Variants in AMMECR1L observed in about 807,000 individuals in gnomAD.
AMMECR1L encodes AMMECR1 like, also known as AMMECR1-like protein.
In AMMECR1L, 4 loss-of-function variants were observed where a neutral mutation model predicts 36.8. The observed-to-expected ratio is 0.11, with a 90% CI of 0.05 to 0.25. The LOEUF is 0.25. AMMECR1L is among the 10% of genes least tolerant of loss of function. The probability of loss-of-function intolerance (pLI) is 1.00; values close to 1 mark genes in which losing one functional copy is unlikely to be tolerated. For missense variants in AMMECR1L, 232 were observed against 392.1 expected, an observed-to-expected ratio of 0.59 and a Z score of 3.45; for synonymous variants, 147 against 148.0, an observed-to-expected ratio of 0.99 and a Z score of 0.05.
intron 1 of AMMECR1L, chr2:127,885,281 G>A (rs1161605488): frequency 1.0e-6 from 1 of 984,276 alleles, no homozygotes; most frequent in Non-Finnish European, 1.2e-6. Context: ...CGAGGGACAG[G>A]GTGAAAGGTG....
rs555348249 is a variant in AMMECR1L, at chr2:127,874,359, C to T, written c.-38-87G>A. ...ATCAAAGATAGAGAGTCTGCATTGA[C>T]CAGCTAAGAGCTGTCAAATTCTTTC... On this transcript the variant is annotated intron_variant, in intron 2 of 7. Transcript: ENST00000272647. This position sits in a 1 kb window ranked among gnomAD's most constrained non-coding sequence, Gnocchi z 5.2. 5.7e-5 allele frequency: 73 copies of T among 1,283,294 alleles called. No homozygotes were observed. In the South Asian group the frequency reaches 9.2e-4, roughly 16 times the overall value. 79.5% of individuals were successfully genotyped at this position (1,283,294 alleles called of 1,614,324 possible).
chr2:127,882,257 A>T (rs767124954), intron 2 of AMMECR1L, among the ~76,000 whole-genome samples: 3 of 148,304 alleles, frequency 2.0e-5, no homozygotes, highest in Non-Finnish European at 4.4e-5. Flanking sequence ...AAGGCCAAGA[A>T]AAAGGGGGTC....
At chr2:127,868,471 C>T (rs530614300) in intron 6 of AMMECR1L, among the ~76,000 whole-genome samples, 4 of 152,302 alleles carry the variant, frequency 2.6e-5, no homozygotes, top group South Asian at 4.1e-4. Flanking sequence ...ACCAGGCAAT[C>T]GTTTTCCATG....
In AMMECR1L at chr2:127,862,273, G is replaced by A. The variant is rs76989043; in HGVS notation, c.*2821C>T. On this transcript the variant is annotated 3_prime_UTR_variant, in exon 8 of 8. Transcript: ENST00000272647. ...ATTGGGCTGGTCCTTGAAAACAGTG[G>A]TTACCTACTGTCCAGCTCGAGCAGC... The A allele has an allele frequency of 0.019, 2,900 of 153,846 alleles. 37 individuals carry two copies. The highest frequency in any genetic ancestry group is 0.029 in the Non-Finnish European group (1,975 of 68,034). 9.5% of individuals were successfully genotyped at this position (153,846 alleles called of 1,614,324 possible).
intron 2 of AMMECR1L, among the ~76,000 whole-genome samples, chr2:127,875,770 T>C (rs1691204937): frequency 6.7e-6 from 1 of 148,318 alleles, no homozygotes; most frequent in Admixed American, 6.8e-5. Flanking sequence ...TCTTTCCCTC[T>C]CCTCCCCTCT....
Position 127,864,694 on chromosome 2 carries a change from AC to A in AMMECR1L, c.*399del, listed in dbSNP as rs1350198232. ...GTTGCCCAGACTGCCAGGGGAATAC[AC>A]CTACTTCATCTGGGGAGGCTGCAGG... is the stretch of plus-strand genomic sequence containing the variant. On this transcript the variant is annotated 3_prime_UTR_variant, in exon 8 of 8. Coordinates refer to ENST00000272647, the MANE Select transcript of AMMECR1L (RefSeq NM_001199140.2). The A allele has an allele frequency of 6.4e-6, 1 of 156,450 alleles. No individual in the cohort carries two copies. The highest frequency in any genetic ancestry group is 1.4e-5 in the Non-Finnish European group (1 of 70,922). 9.7% of individuals were successfully genotyped at this position (156,450 alleles called of 1,614,324 possible).
chr2:127,880,793 C>T (rs1033379106), intron 2 of AMMECR1L, among the ~76,000 whole-genome samples: 1 of 151,914 alleles, frequency 6.6e-6, no homozygotes, highest in East Asian at 1.9e-4. Context: ...CACACACACA[C>T]ACACACTCCT....
chr2:127,873,185 T>A lies in AMMECR1L; in HGVS notation c.407+643A>T. On this transcript the variant is annotated intron_variant, in intron 3 of 7. Transcript: ENST00000272647. The surrounding 1 kb of genome is among the most constrained non-coding windows in gnomAD (Gnocchi z 5.2). Reference sequence around the variant, plus strand: ...AAAGCCAGCTCAGAGCGGCTTCCAATTCTGAGGAAGAAGAAAATGCTAGCA... The same window carrying A: ...AAAGCCAGCTCAGAGCGGCTTCCAAATCTGAGGAAGAAGAAAATGCTAGCA... 1 of 985,446 alleles carries A rather than the reference T, an allele frequency of 1.0e-6. No individual in the cohort carries two copies. Among genetic ancestry groups the A allele is most frequent in the Non-Finnish European group, 1.2e-6 (1 of 829,934 alleles). 61.0% of individuals were successfully genotyped at this position (985,446 alleles called of 1,614,324 possible).
rs555411655 is a variant in AMMECR1L at position 127,873,497 on chromosome 2, A to G, written c.407+331T>C. 1.4e-4 allele frequency: 140 copies of G among 985,446 alleles called. No individual in the cohort carries two copies. The highest frequency in any genetic ancestry group is 1.2e-3 in the Admixed American group (20 of 16,292). The allele number at this position is 985,446 out of a possible 1,614,324, so 61.0% of individuals were successfully genotyped here. ...GACTTCAACACTATGGGTGTCCCCA[A>G]TGGTATGGCGTGACTTCCCCACTTG... On this transcript the variant is annotated intron_variant, in intron 3 of 7. Transcript: ENST00000272647. The surrounding 1 kb of genome is among the most constrained non-coding windows in gnomAD (Gnocchi z 5.2).
In AMMECR1L at chr2:127,871,498, T is replaced by C; in HGVS notation, c.408-139A>G. On this transcript the variant is annotated intron_variant, in intron 3 of 7. Transcript: ENST00000272647. The surrounding 1 kb of genome is among the most constrained non-coding windows in gnomAD (Gnocchi z 4.3). ...TGGACTTGCCAGCTACCCGAAGGACTCTCTGCCTTTCTGAAAACGGCACAG... is the reference window on the plus strand; with the variant it reads ...TGGACTTGCCAGCTACCCGAAGGACCCTCTGCCTTTCTGAAAACGGCACAG... 1.3e-6 allele frequency: 1 copy of C among 795,888 alleles called. No homozygotes were observed. The highest frequency in any genetic ancestry group is 2.0e-6 in the Non-Finnish European group (1 of 503,732). 49.3% of individuals were successfully genotyped at this position (795,888 alleles called of 1,614,324 possible).
Position 127,874,445 on chromosome 2 carries a change from G to C in AMMECR1L, c.-38-173C>G, listed in dbSNP as rs534834893. Reference sequence around the variant, plus strand: ...AAACCCCTAACCTTTTCCTAAAAGAGAATTTTTATTTTCCATAAAATTTCC... The same window carrying C: ...AAACCCCTAACCTTTTCCTAAAAGACAATTTTTATTTTCCATAAAATTTCC... On this transcript the variant is annotated intron_variant, in intron 2 of 7. Coordinates refer to ENST00000272647, the MANE Select transcript of AMMECR1L (RefSeq NM_001199140.2). The surrounding 1 kb of genome is among the most constrained non-coding windows in gnomAD (Gnocchi z 5.2). Among the ~76,000 whole-genome samples the C allele has an allele frequency of 1.3e-5, 2 of 152,270 alleles. No homozygotes were observed. Among genetic ancestry groups the C allele is most frequent in the East Asian group, 1.9e-4 (1 of 5,182 alleles).
intron 1 of AMMECR1L, chr2:127,885,490 C>A (rs896583615): frequency 1.0e-6 from 1 of 983,560 alleles, no homozygotes; most frequent in Non-Finnish European, 1.2e-6. Flanking sequence ...AGCGAGCGAG[C>A]CTGCTTCCTG....
At chr2:127,884,174 A>T (rs1040996175) in intron 2 of AMMECR1L, 29 bp downstream of exon 2, 1 of 152,142 alleles carries the variant, frequency 6.6e-6, no homozygotes, top group Admixed American at 6.5e-5. Context: ...ACGATGCTCT[A>T]CTCTAAATAT....
At chr2:127,870,730 T>C (rs1690927883) in intron 5 of AMMECR1L, 84 bp downstream of exon 5, 2 of 1,034,906 alleles carry the variant, frequency 1.9e-6, no homozygotes, top group Admixed American at 2.5e-5. Context: ...ACCCTTTCTC[T>C]CAATGAAGGA....
At position 127,862,394 on chromosome 2, in the gene AMMECR1L, T is replaced by C. The variant is rs1015591511; in HGVS notation, c.*2700A>G. ...CTGGCCGCCCTCATCACTGCTTTGG[T>C]CAAGCGTGCAGAGAAGGCAGTTCAG... is the stretch of plus-strand genomic sequence containing the variant. On this transcript the variant is annotated 3_prime_UTR_variant, in exon 8 of 8. Coordinates refer to ENST00000272647, the MANE Select transcript of AMMECR1L (RefSeq NM_001199140.2). 6.5e-6 allele frequency: 1 copy of C among 153,768 alleles called. No individual in the cohort carries two copies. The highest frequency in any genetic ancestry group is 2.4e-5 in the African/African-American group (1 of 41,446). The allele number at this position is 153,768 out of a possible 1,614,324, so 9.5% of individuals were successfully genotyped here.
In AMMECR1L at chr2:127,873,781, G is replaced by T. The variant is rs1691100830; in HGVS notation, c.407+47C>A. 3 of 1,611,812 alleles carry T rather than the reference G, an allele frequency of 1.9e-6. No homozygotes were observed. Among genetic ancestry groups the T allele is most frequent in the Non-Finnish European group, 2.5e-6 (3 of 1,179,730 alleles). On this transcript the variant is annotated intron_variant, in intron 3 of 7. Transcript: ENST00000272647. The surrounding 1 kb of genome is among the most constrained non-coding windows in gnomAD (Gnocchi z 5.2). ...CCTCTCAAGAGAATCACCCCAGAAA[G>T]ATGTCACCATGCCTTCCTCAGTGCC... is the stretch of plus-strand genomic sequence containing the variant.
chr2:127,869,621 A>C lies in AMMECR1L; in HGVS notation c.634-77T>G. 1.6e-6 allele frequency: 2 copies of C among 1,228,528 alleles called. No individual in the cohort carries two copies. The highest frequency in any genetic ancestry group is 2.4e-6 in the Non-Finnish European group (2 of 833,326). The allele number at this position is 1,228,528 out of a possible 1,614,324, so 76.1% of individuals were successfully genotyped here. A position where few individuals can be genotyped will look rare whatever the true frequency, so the allele number is the denominator to read the frequency against. On this transcript the variant is annotated intron_variant, in intron 5 of 7. Coordinates refer to ENST00000272647, the MANE Select transcript of AMMECR1L (RefSeq NM_001199140.2). This position sits in a 1 kb window ranked among gnomAD's most constrained non-coding sequence, Gnocchi z 4.7. ...CTTCAGTCCCCACATATAAATCAAC[A>C]TTGTTCCCTGACCAGCTTAACACAG...
At chr2:127,876,784 G>A (rs536404520) in intron 2 of AMMECR1L, among the ~76,000 whole-genome samples, 49 of 152,234 alleles carry the variant, frequency 3.2e-4, no homozygotes, top group Middle Eastern at 6.8e-3. Context: ...TTGGGAGGCC[G>A]AGGTGGGCGG....
chr2:127,868,965 C>T (rs558573950), intron 6 of AMMECR1L, among the ~76,000 whole-genome samples: 2 of 152,222 alleles, frequency 1.3e-5, no homozygotes, highest in East Asian at 1.9e-4. Context: ...CCTTGTGATC[C>T]GCCCACCTTG....
Sources: gnomAD v4.1 joint callset for allele counts (sites outside exome capture counted in the v4.1 genomes callset) on GRCh38, gnomAD v4.1.1 for gene constraint, Gnocchi (gnomAD v3.1) non-coding constraint, MANE v1.5 for transcripts, NCBI Gene and HGNC (gene_info 2026-07-23, HGNC 2026-07-21) for gene names.